The following EPB41 variants were observed in gnomAD, a reference collection of about 807,000 sequenced individuals.
EPB41 encodes erythrocyte membrane protein band 4.1.
A neutral mutation model predicts 108.0 loss-of-function variants in EPB41; 65 were observed. The observed-to-expected ratio is 0.60, with a 90% CI of 0.49 to 0.74. The LOEUF is 0.74. EPB41 is among the 30% of genes least tolerant of loss of function. The pLI is 0.00. For missense variants in EPB41, 875 were observed against 1,037.0 expected (o/e 0.84, Z 2.15); for synonymous variants, 336 against 358.9 (o/e 0.94, Z 0.72).
At chr1:29,087,188 G>A (rs1558276572) in intron 16 of EPB41, among the ~76,000 whole-genome samples, 3 of 151,948 alleles carry the variant, frequency 2.0e-5, no homozygotes, top group East Asian at 1.9e-4. Flanking sequence ...TGATCCGCCC[G>A]CCTTGGCCTC....
chr1:28,912,380 C>T (rs1031213103), upstream of EPB41, among the ~76,000 whole-genome samples: 1 of 152,022 alleles, frequency 6.6e-6, no homozygotes, highest in Non-Finnish European at 1.5e-5. Flanking sequence ...ATGGTATAGT[C>T]AGGTGGTTTT....
chr1:29,090,463 C>T (rs929423489), intron 16 of EPB41, among the ~76,000 whole-genome samples: 2 of 151,812 alleles, frequency 1.3e-5, no homozygotes, highest in Non-Finnish European at 2.9e-5. Context: ...ATAGAAGTGA[C>T]GGAGGGGCCG....
rs920855780 is a variant in EPB41, at chr1:29,119,366, C to A, written c.*2554C>A. Reference sequence around the variant, plus strand: ...ATGGTGAGGAGGGGGAAGAGAATTACATTTCCAGGGTCAGAAACTTGGCAA... The same window carrying A: ...ATGGTGAGGAGGGGGAAGAGAATTAAATTTCCAGGGTCAGAAACTTGGCAA... On this transcript the variant is annotated 3_prime_UTR_variant, in exon 21 of 21. Transcript: ENST00000343067. 1 of 152,626 alleles carries A rather than the reference C, an allele frequency of 6.6e-6. No individual in the cohort carries two copies. Among genetic ancestry groups the A allele is most frequent in the African/African-American group, 2.4e-5 (1 of 41,446 alleles). 9.5% of individuals were successfully genotyped at this position (152,626 alleles called of 1,614,324 possible).
At chr1:29,008,959 G>T (rs534436280) in intron 4 of EPB41, among the ~76,000 whole-genome samples, 1 of 152,220 alleles carries the variant, frequency 6.6e-6, no homozygotes, top group South Asian at 2.1e-4. Context: ...TTTCCTAACT[G>T]ACTTCTAAAC....
upstream of EPB41, among the ~76,000 whole-genome samples, chr1:28,910,488 A>G (rs1461097678): frequency 2.0e-5 from 3 of 152,100 alleles, no homozygotes; most frequent in Non-Finnish European, 4.4e-5. Flanking sequence ...ACCCTCCACA[A>G]CAGACACAGG....
At chr1:28,905,884 C>G (rs1043660424) in intron 1 of EPB41, among the ~76,000 whole-genome samples, 4 of 146,706 alleles carry the variant, frequency 2.7e-5, no homozygotes, top group African/African-American at 1.0e-4. Context: ...GTGGCGCGAT[C>G]TCGGCTCTCT....
chr1:28,933,445 G>A (rs969406729), intron 1 of EPB41, among the ~76,000 whole-genome samples: 1 of 152,190 alleles, frequency 6.6e-6, no homozygotes. Context: ...CAAAACTGAT[G>A]TGCAGCACTG....
At chr1:28,902,629 C>T (rs1462420642) in intron 1 of EPB41, among the ~76,000 whole-genome samples, 3 of 152,186 alleles carry the variant, frequency 2.0e-5, no homozygotes, top group Non-Finnish European at 2.9e-5. Context: ...TTTCCCACAA[C>T]ACCCCTGGGT....
intron 2 of EPB41, among the ~76,000 whole-genome samples, chr1:28,990,231 CAAAAA>C (rs529982149): frequency 1.2e-5 from 1 of 85,714 alleles, no homozygotes; most frequent in African/African-American, 4.0e-5. Context: ...GATTCCATCT[CAAAAA>C]AAAAAAAAAA....
chr1:29,092,889 T>C (rs113404695), intron 16 of EPB41, among the ~76,000 whole-genome samples: 3,960 of 152,316 alleles, frequency 0.026, 167 homozygotes, highest in African/African-American at 0.09. Flanking sequence ...GAGCTCGTTC[T>C]TTTTTATGGC....
At chr1:29,000,480 G>A (rs1239477954) in intron 4 of EPB41, among the ~76,000 whole-genome samples, 4 of 152,240 alleles carry the variant, frequency 2.6e-5, no homozygotes, top group Non-Finnish European at 4.4e-5. Context: ...GTTGTTAAAA[G>A]TGCTTAATAT....
intron 1 of EPB41, among the ~76,000 whole-genome samples, chr1:28,970,873 G>A (rs569005556): frequency 6.6e-6 from 1 of 152,154 alleles, no homozygotes; most frequent in Non-Finnish European, 1.5e-5. Flanking sequence ...TTTGGAGATG[G>A]AGTCTTGCTC....
At position 28,976,593 on chromosome 1, in the gene EPB41, A is replaced by G. The variant is rs573270278; in HGVS notation, c.-7-10838A>G. On this transcript the variant is annotated intron_variant, in intron 1 of 20. Coordinates refer to ENST00000343067, the MANE Select transcript of EPB41 (RefSeq NM_001376013.1). ...GGACTCAAACTCCTGGGCTCAAGCT[A>G]TCCTCCTGCCTTGGCCTCCCAAAGT... Among the ~76,000 whole-genome samples, 380 of 152,218 alleles carry G rather than the reference A, an allele frequency of 2.5e-3. 1 individual carries two copies. The highest frequency in any genetic ancestry group is 8.8e-3 in the African/African-American group (365 of 41,542).
chr1:28,982,518 A>G (rs946513558), intron 1 of EPB41: 19 of 978,074 alleles, frequency 1.9e-5, no homozygotes, highest in African/African-American at 6.4e-5. Flanking sequence ...CTGAGGTGCT[A>G]TCATCAATGT....
intron 16 of EPB41, chr1:29,096,016 C>A: frequency 5.0e-6 from 2 of 397,256 alleles, no homozygotes; most frequent in Non-Finnish European, 6.8e-6. Context: ...TTCCTTTTGA[C>A]CATGTTATCA....
At position 28,993,379 on chromosome 1, in the gene EPB41, G is replaced by T; in HGVS notation, c.518G>T (p.Gly173Val). 1 of 1,613,570 alleles carries T rather than the reference G, an allele frequency of 6.2e-7. No homozygotes were observed. The highest frequency in any genetic ancestry group is 1.1e-5 in the South Asian group (1 of 91,050). ...GATCCAGATTTTGAAATTAAGGAAG[G>T]AGAAGGACTTGAAGAGTGCTCCAAA... ...REDPDFEIKE[G>V]EGLEECSKIE... The change falls in exon 3 of 21, where the codon GGA (glycine) becomes GTA (valine). Residue 173 changes from glycine to valine, a missense_variant. Transcript: ENST00000343067.
intron 16 of EPB41, chr1:29,069,467 C>A: frequency 3.3e-6 from 4 of 1,212,624 alleles, no homozygotes; most frequent in Non-Finnish European, 4.1e-6. Context: ...TTTTGGTGAA[C>A]CTTGGAGGGA....
intron 16 of EPB41, among the ~76,000 whole-genome samples, chr1:29,081,356 C>T (rs1023563933): frequency 5.3e-5 from 8 of 152,006 alleles, no homozygotes; most frequent in African/African-American, 1.9e-4. Context: ...TTCAGTATTG[C>T]CACTCTAATC....
At chr1:29,070,721 A>C (rs1267581107) in intron 16 of EPB41, 13 of 1,219,922 alleles carry the variant, frequency 1.1e-5, no homozygotes, top group African/African-American at 1.6e-5. Context: ...ATAGTTCACT[A>C]TCCTAGGGGA....
Sources: gnomAD v4.1 joint callset for allele counts (sites outside exome capture counted in the v4.1 genomes callset) on GRCh38, gnomAD v4.1.1 for gene constraint, MANE v1.5 for transcripts, NCBI Gene and HGNC (gene_info 2026-07-23, HGNC 2026-07-21) for gene names.